FAM149A: variants seen among roughly 807,000 people sequenced by gnomAD.
FAM149A encodes family with sequence similarity 149 member A, also known as protein FAM149A.
A neutral mutation model predicts 78.2 loss-of-function variants in FAM149A; 71 were observed. That is an observed-to-expected ratio of 0.91 (90% CI 0.75 to 1.11). The LOEUF is 1.11. Ranked by LOEUF, FAM149A falls within the 50% of genes least tolerant of loss-of-function variation. The probability of loss-of-function intolerance (pLI) is 0.00; values close to 1 mark genes in which losing one functional copy is unlikely to be tolerated. For missense variants in FAM149A, 1,036 were observed against 971.0 expected (o/e 1.07, Z -0.89); for synonymous variants, 446 against 410.5 (o/e 1.09, Z -1.04).
intron 1 of FAM149A, chr4:186,110,341 C>CCTCAGGGATGAACAGTGG: frequency 1.0e-6 from 1 of 981,258 alleles, no homozygotes; most frequent in Non-Finnish European, 1.2e-6. Flanking sequence ...CTTAGCATTT[C>CCTCAGGGATGAACAGTGG]CTCAGGGATG....
chr4:186,168,394 C>T (rs746116952), intron 13 of FAM149A, among the ~76,000 whole-genome samples: 2 of 152,214 alleles, frequency 1.3e-5, no homozygotes, highest in African/African-American at 2.4e-5. Flanking sequence ...CTCACTGCGA[C>T]GCCCAGGCTG....
At chr4:186,145,625 G>A (rs920577332) in intron 1 of FAM149A, among the ~76,000 whole-genome samples, 1 of 152,150 alleles carries the variant, frequency 6.6e-6, no homozygotes, top group Non-Finnish European at 1.5e-5. Context: ...ATGGAGATTG[G>A]AACTCACCCT....
In FAM149A at chr4:186,173,345, A is replaced by G. The variant is rs1735629730; in HGVS notation, c.*1358A>G. On this transcript the variant is annotated 3_prime_UTR_variant, in exon 14 of 14. Coordinates refer to ENST00000389354, the MANE Select transcript of FAM149A (RefSeq NM_001367768.3). ...ATTTCTCCTTGACTTTGCTGACTCC[A>G]TTTCTTTTTTCTTTTCTTTTTTTTT... Among the ~76,000 whole-genome samples, 1 of 109,114 alleles carries G rather than the reference A, an allele frequency of 9.2e-6. No homozygotes were observed. Among genetic ancestry groups the G allele is most frequent in the South Asian group, 2.8e-4 (1 of 3,516 alleles). The allele number at this position is 109,114 out of a possible 152,430, so 71.6% of individuals were successfully genotyped here.
chr4:186,125,026 A>AT (rs2099317708), intron 1 of FAM149A, among the ~76,000 whole-genome samples: 1 of 151,858 alleles, frequency 6.6e-6, no homozygotes. Context: ...GATGATGAGC[A>AT]TTTTTTCATG....
At chr4:186,147,701 TTA>T (rs112663861) in intron 1 of FAM149A, among the ~76,000 whole-genome samples, 2,603 of 152,352 alleles carry the variant, frequency 0.017, 80 homozygotes, top group African/African-American at 0.057. Flanking sequence ...GATGTAACTT[TTA>T]GTTGTTATTT....
chr4:186,167,679 AAC>A (rs1735177433), intron 13 of FAM149A: 4 of 299,370 alleles, frequency 1.3e-5, no homozygotes, highest in South Asian at 1.3e-4. Flanking sequence ...ATTACTTTAT[AAC>A]ACAAGGTTTT....
intron 1 of FAM149A, chr4:186,117,793 G>C: frequency 1.1e-5 from 9 of 796,172 alleles, no homozygotes; most frequent in Non-Finnish European, 1.4e-5. Context: ...CTAGTAGGAA[G>C]CTCTAGGAAT....
At chr4:186,110,174 A>G in intron 1 of FAM149A, 1 of 985,438 alleles carries the variant, frequency 1.0e-6, no homozygotes, top group Non-Finnish European at 1.2e-6. Flanking sequence ...GATGAAGAAA[A>G]TATTTTCTTC....
intron 1 of FAM149A, chr4:186,123,360 A>C: frequency 1.0e-6 from 1 of 985,420 alleles, no homozygotes; most frequent in Non-Finnish European, 1.2e-6. Flanking sequence ...GAGATGGGTG[A>C]ATTTTCGTCT....
intron 4 of FAM149A, among the ~76,000 whole-genome samples, chr4:186,152,801 C>T (rs1733705639): frequency 6.6e-6 from 1 of 152,066 alleles, no homozygotes; most frequent in African/African-American, 2.4e-5. Flanking sequence ...GCCTCAGCCT[C>T]CCAAAGTGCT....
Position 186,164,429 on chromosome 4 carries a change from A to T in FAM149A, c.1889+796A>T. On this transcript the variant is annotated intron_variant, in intron 10 of 13. Transcript: ENST00000389354. The surrounding 1 kb of genome is among the most constrained non-coding windows in gnomAD (Gnocchi z 4.0). ...ACCCCCGGCCTGCAGGGGAGCTGTT[A>T]TCAGGAGCCGAGCTCAGGAGCGGGC... The T allele has an allele frequency of 1.0e-6, 1 of 985,106 alleles. No homozygotes were observed. 61.0% of individuals were successfully genotyped at this position (985,106 alleles called of 1,614,324 possible).
intron 3 of FAM149A, chr4:186,150,933 G>A: frequency 2.1e-6 from 1 of 466,338 alleles, no homozygotes; most frequent in Non-Finnish European, 2.8e-6. Flanking sequence ...TGTTGGCCAG[G>A]CTGGTTTCGA....
At chr4:186,140,859 A>G (rs978617546) in intron 1 of FAM149A, among the ~76,000 whole-genome samples, 9 of 152,374 alleles carry the variant, frequency 5.9e-5, no homozygotes, top group Admixed American at 4.6e-4. Context: ...ACATGTCTAC[A>G]TCTATATTTG....
intron 8 of FAM149A, chr4:186,158,054 A>G (rs1178838002): frequency 7.2e-7 from 1 of 1,382,062 alleles, no homozygotes; most frequent in Non-Finnish European, 9.6e-7. Flanking sequence ...ATAAATCTGA[A>G]GGGACCTGGG....
Position 186,165,427 on chromosome 4 carries a change from G to T in FAM149A, c.1973G>T (p.Gly658Val). Residue 658 changes from glycine to valine, a missense_variant, in exon 11 of 14, where the codon GGG becomes GTG. Gly to Val is a moderately radical substitution (Grantham distance 109). Transcript: ENST00000389354. ...CCCCCGCTAGTCACGGAGACCAGGGGGCAGAATACAGCAGTTCCTGGATGC... is the reference window on the plus strand; with the variant it reads ...CCCCCGCTAGTCACGGAGACCAGGGTGCAGAATACAGCAGTTCCTGGATGC... 1 of 1,614,122 alleles carries T rather than the reference G, an allele frequency of 6.2e-7. No homozygotes were observed.
intron 1 of FAM149A, among the ~76,000 whole-genome samples, chr4:186,145,697 T>C (rs557836223): frequency 1.1e-4 from 17 of 152,304 alleles, no homozygotes; most frequent in African/African-American, 4.1e-4. Context: ...CAGTCCACCC[T>C]ACGAAGACCT....
Position 186,122,518 on chromosome 4 carries a change from T to A in FAM149A, c.566+16876T>A, listed in dbSNP as rs573983707. On this transcript the variant is annotated intron_variant, in intron 1 of 13. Coordinates refer to ENST00000389354, the MANE Select transcript of FAM149A (RefSeq NM_001367768.3). ...TGGTAAGGTAGGGATCAGTAGAGTG[T>A]CATGATATTTGCAACTTCCTTTCAA... Among the ~76,000 whole-genome samples the A allele has an allele frequency of 1.4e-4, 22 of 152,332 alleles. No homozygotes were observed. The South Asian group carries it at 4.6e-3, about 32-fold the overall frequency.
chr4:186,163,491 G>A lies in FAM149A; in HGVS notation c.1747G>A (p.Gly583Arg). Residue 583 changes from glycine to arginine, a missense_variant, in exon 10 of 14, where the codon GGA (glycine) becomes AGA (arginine). Around this residue, in one of 3 missense-constraint regions of FAM149A, gnomAD observed 716 missense variants for 711.8 expected, o/e 1.01. Coordinates refer to ENST00000389354, the MANE Select transcript of FAM149A (RefSeq NM_001367768.3). Reference sequence around the variant, plus strand: ...TCTCTCCTCCGCACCGCACAGACTGGGACGGGCCTCAGACACTCATGGATT... The same window carrying A: ...TCTCTCCTCCGCACCGCACAGACTGAGACGGGCCTCAGACACTCATGGATT... The A allele has an allele frequency of 5.0e-6, 8 of 1,614,130 alleles. No homozygotes were observed. The highest frequency in any genetic ancestry group is 6.8e-6 in the Non-Finnish European group (8 of 1,180,028).
In FAM149A at chr4:186,175,251, G is replaced by T. The variant is rs1168319585; in HGVS notation, c.*3264G>T. 9.0e-6 allele frequency among the ~76,000 whole-genome samples: 1 copy of T among 110,550 alleles called. No homozygotes were observed. The highest frequency in any genetic ancestry group is 2.3e-5 in the Non-Finnish European group (1 of 43,782). The allele number at this position is 110,550 out of a possible 152,430, so 72.5% of individuals were successfully genotyped here. On this transcript the variant is annotated 3_prime_UTR_variant, in exon 14 of 14. Transcript: ENST00000389354. ...CTACAGATCATTGTGTAGGATTTTT[G>T]ATTCCTTAATTTCTAATAAAATATA...
Sources: allele counts gnomAD v4.1 joint callset (sites outside exome capture counted in the v4.1 genomes callset), GRCh38; gene constraint gnomAD v4.1.1; regional missense constraint gnomAD v4.1.1; non-coding constraint Gnocchi (gnomAD v3.1); transcripts MANE v1.5; gene names NCBI Gene and HGNC (gene_info 2026-07-23, HGNC 2026-07-21).